PLIN2: variants seen among roughly 807,000 people sequenced by gnomAD.
PLIN2 encodes perilipin-2.
In PLIN2, 33 loss-of-function variants were observed where a neutral mutation model predicts 30.6. The observed-to-expected ratio is 1.08, with a 90% CI of 0.82 to 1.44. The LOEUF (loss-of-function observed/expected upper bound fraction) is 1.44. Among genes scored for constraint, PLIN2 ranks in the 40% most tolerant of loss-of-function variants. PLIN2 has a pLI of 0.00. For missense variants in PLIN2, 610 were observed against 531.8 expected (o/e 1.15, Z -1.45); for synonymous variants, 205 against 201.1 (o/e 1.02, Z -0.16).
downstream of PLIN2, among the ~76,000 whole-genome samples, chr9:19,115,325 T>C (rs79713555): frequency 6.6e-6 from 1 of 151,462 alleles, no homozygotes; most frequent in Admixed American, 6.6e-5. Context: ...TTTTTTTTTT[T>C]GAGATGGAGT....
chr9:19,122,423 T>C (rs2131182817), intron 4 of PLIN2, among the ~76,000 whole-genome samples: 1 of 152,092 alleles, frequency 6.6e-6, no homozygotes, highest in African/African-American at 2.4e-5. Flanking sequence ...TATCATTGTG[T>C]TACAGTAGTC....
Position 19,116,028 on chromosome 9 carries a change from G to A in PLIN2, c.*220C>T. 2.2e-6 allele frequency: 1 copy of A among 449,738 alleles called. No individual in the cohort carries two copies. Among genetic ancestry groups the A allele is most frequent in the Non-Finnish European group, 3.9e-6 (1 of 255,600 alleles). 27.9% of individuals were successfully genotyped at this position (449,738 alleles called of 1,614,324 possible). On this transcript the variant is annotated 3_prime_UTR_variant, in exon 8 of 8. Transcript: ENST00000276914. ...GAATTTTTTCTGAGTTCTGGCTATA[G>A]GCTCTGACAAGCCTATCATTCTTTT... is the stretch of plus-strand genomic sequence containing the variant.
chr9:19,118,506 T>C (rs1588643785), intron 6 of PLIN2, 51 bp from the exon 7 acceptor site: 1 of 1,560,364 alleles, frequency 6.4e-7, no homozygotes, highest in South Asian at 1.2e-5. Flanking sequence ...ATATTCACGT[T>C]AGCCTGTTTG....
chr9:19,113,877 C>T (rs535930076), downstream of PLIN2, among the ~76,000 whole-genome samples: 102 of 150,774 alleles, frequency 6.8e-4, no homozygotes, highest in African/African-American at 2.5e-3. Context: ...CGGGTTCAAA[C>T]GATTCTCCTG....
At chr9:19,118,115 G>A (rs554964693) in intron 7 of PLIN2, among the ~76,000 whole-genome samples, 1 of 152,292 alleles carries the variant, frequency 6.6e-6, no homozygotes, top group African/African-American at 2.4e-5. Flanking sequence ...CTCACTTGGG[G>A]CATATGTATA....
In PLIN2 at chr9:19,127,099, T is replaced by C. The variant is rs904076053; in HGVS notation, c.-23+320A>G. 3.0e-4 allele frequency among the ~76,000 whole-genome samples: 46 copies of C among 152,096 alleles called. No homozygotes were observed. The highest frequency in any genetic ancestry group is 9.2e-4 in the African/African-American group (38 of 41,398). On this transcript the variant is annotated intron_variant, in intron 1 of 7. Coordinates refer to ENST00000276914, the MANE Select transcript of PLIN2 (RefSeq NM_001122.4). The surrounding 1 kb of genome is among the most constrained non-coding windows in gnomAD (Gnocchi z 4.3). ...TTCGATAATGTCCCTTCGACAAATA[T>C]TGTTTTCCCACAACCACCCAAGCAG...
chr9:19,117,605 T>C (rs1348358199), intron 7 of PLIN2, among the ~76,000 whole-genome samples: 2 of 151,398 alleles, frequency 1.3e-5, no homozygotes, highest in Non-Finnish European at 2.9e-5. Flanking sequence ...CCTGAGATAG[T>C]CTTCCCATAT....
chr9:19,122,677 A>G (rs1278544097), intron 4 of PLIN2, among the ~76,000 whole-genome samples: 1 of 151,456 alleles, frequency 6.6e-6, no homozygotes, highest in African/African-American at 2.4e-5. Context: ...GCCATGGACC[A>G]TTACCAGTCC....
chr9:19,118,698 A>G (rs1818268096), intron 6 of PLIN2, among the ~76,000 whole-genome samples: 1 of 152,150 alleles, frequency 6.6e-6, no homozygotes, highest in Non-Finnish European at 1.5e-5. Flanking sequence ...CCAGTTTAGC[A>G]CAGGTAAAGC....
chr9:19,113,345 A>T (rs1025532890), downstream of PLIN2, among the ~76,000 whole-genome samples: 50 of 151,754 alleles, frequency 3.3e-4, no homozygotes, highest in African/African-American at 1.2e-3. Context: ...AAAAAAAAAA[A>T]TTAAGAGGCA....
chr9:19,125,977 G>T, intron 3 of PLIN2, 137 bp downstream of exon 3: 5 of 636,184 alleles, frequency 7.9e-6, no homozygotes, highest in Non-Finnish European at 1.4e-5. Context: ...ACGGTAATGA[G>T]GGTCACCTGA....
chr9:19,116,264 T>G lies in PLIN2; in HGVS notation c.1298A>C (p.Glu433Ala). ...GGGGCAGGTTTAATGAGTTTTATGC[T>G]CAGATCGCTGGGTCTCCTGGCTGCT... ...DKSSQETQRSEHKTH is the reference protein window; with the variant it reads ...DKSSQETQRSAHKTH The change falls in exon 8 of 8, where the codon GAG (glutamate) becomes GCG (alanine). Residue 433 changes from glutamate (E) to alanine (A), a missense_variant. Transcript: ENST00000276914. The G allele has an allele frequency of 1.3e-6, 2 of 1,597,030 alleles. No homozygotes were observed. The highest frequency in any genetic ancestry group is 1.7e-6 in the Non-Finnish European group (2 of 1,170,728).
In PLIN2 at chr9:19,126,305, A is replaced by G. The variant is rs1254276505; in HGVS notation, c.35T>C (p.Val12Ala). Residue 12 changes from valine (V) to alanine (A), a missense_variant, in exon 3 of 8, where the codon GTG (valine) becomes GCG (alanine). Coordinates refer to ENST00000276914, the MANE Select transcript of PLIN2 (RefSeq NM_001122.4). ...ASVAVDPQPSVVTRVVNLPLV... is the reference protein window; with the variant it reads ...ASVAVDPQPSAVTRVVNLPLV... ...GGGCAGGTTGACCACCCGAGTCACC[A>G]CACTCTGCAATCAAAGTAGGGAGGG... The G allele has an allele frequency of 6.2e-7, 1 of 1,613,786 alleles. No individual in the cohort carries two copies. The highest frequency in any genetic ancestry group is 8.5e-7 in the Non-Finnish European group (1 of 1,179,688).
chr9:19,122,402 A>G (rs969285016), intron 4 of PLIN2, among the ~76,000 whole-genome samples: 3 of 151,936 alleles, frequency 2.0e-5, no homozygotes, highest in African/African-American at 4.8e-5. Context: ...TAGTTTAGAT[A>G]CACGAATACT....
chr9:19,115,519 G>T (rs1818207795), downstream of PLIN2, among the ~76,000 whole-genome samples: 1 of 152,050 alleles, frequency 6.6e-6, no homozygotes, highest in Non-Finnish European at 1.5e-5. Context: ...GTGTTCGCCA[G>T]GATGGTCTCG....
At chr9:19,122,397 T>C (rs1023935441) in intron 4 of PLIN2, among the ~76,000 whole-genome samples, 4 of 152,066 alleles carry the variant, frequency 2.6e-5, no homozygotes. Context: ...TTTTCTAGTT[T>C]AGATACACGA....
chr9:19,118,384 G>A lies in PLIN2; in HGVS notation c.849C>T (p.Leu283=). Residue 283 remains leucine, a synonymous_variant, in exon 7 of 8, where the codon CTC becomes CTT. Transcript: ENST00000276914. ...KIQDAQDKLY[L]SWVEWKRSIG... ...TGCTCCTTTTCCACTCTACCCATGA[G>A]AGGTAGAGCTTATCCTGAGCATCCT... is the stretch of plus-strand genomic sequence containing the variant. 1 of 1,610,140 alleles carries A rather than the reference G, an allele frequency of 6.2e-7. No individual in the cohort carries two copies. The highest frequency in any genetic ancestry group is 2.2e-5 in the East Asian group (1 of 44,848).
intron 1 of PLIN2, among the ~76,000 whole-genome samples, chr9:19,126,812 G>A (rs1437549183): frequency 6.6e-6 from 1 of 152,228 alleles, no homozygotes; most frequent in South Asian, 2.1e-4. Flanking sequence ...GAGGCCGAGG[G>A]GGGTGGACTG....
intron 4 of PLIN2, among the ~76,000 whole-genome samples, chr9:19,121,489 C>CA (rs375474450): frequency 0.06 from 2,655 of 44,098 alleles, 85 homozygotes; most frequent in African/African-American, 0.16. Context: ...GACCCTGTCT[C>CA]AAAAAAAAAA....
Sources: gnomAD v4.1 joint callset for allele counts (sites outside exome capture counted in the v4.1 genomes callset) on GRCh38, gnomAD v4.1.1 for gene constraint, Gnocchi (gnomAD v3.1) non-coding constraint, MANE v1.5 for transcripts, NCBI Gene and HGNC (gene_info 2026-07-23, HGNC 2026-07-21) for gene names.